The following AGBL4 variants were observed in gnomAD, a reference collection of about 807,000 sequenced individuals.
AGBL4 encodes the protein cytosolic carboxypeptidase 6.
Under a neutral mutation model 66.4 loss-of-function variants are expected in AGBL4, and 58 were observed. The observed-to-expected ratio is 0.87, with a 90% CI of 0.71 to 1.09. AGBL4 has a LOEUF of 1.09. Ranked by LOEUF, AGBL4 falls within the 50% of genes least tolerant of loss-of-function variation. The pLI is 0.00. For missense variants in AGBL4, 579 were observed against 631.0 expected (o/e 0.92, Z 0.88); for synonymous variants, 234 against 222.9 (o/e 1.05, Z -0.44).
At chr1:48,743,930 G>A (rs1328543157) in intron 6 of AGBL4, among the ~76,000 whole-genome samples, 2 of 152,186 alleles carry the variant, frequency 1.3e-5, no homozygotes, top group South Asian at 2.1e-4. Flanking sequence ...ACTGAAAGAC[G>A]AAGTCTCTGT....
intron 11 of AGBL4, among the ~76,000 whole-genome samples, chr1:48,580,956 A>C (rs1254494616): frequency 6.6e-6 from 1 of 151,986 alleles, no homozygotes; most frequent in East Asian, 1.9e-4. Context: ...TCTGAGCCCT[A>C]GTTTCTCTTC....
intron 2 of AGBL4, among the ~76,000 whole-genome samples, chr1:49,786,407 C>T (rs1644456032): frequency 6.6e-6 from 1 of 152,106 alleles, no homozygotes; most frequent in African/African-American, 2.4e-5. Context: ...CACTTTTCTA[C>T]CTTGAATTTC....
At chr1:49,710,874 T>C (rs1647611589) in intron 2 of AGBL4, among the ~76,000 whole-genome samples, 1 of 151,550 alleles carries the variant, frequency 6.6e-6, no homozygotes, top group Non-Finnish European at 1.5e-5. Flanking sequence ...CAAAGAACTC[T>C]TATGAAGCAA....
At chr1:48,937,368 C>A (rs1477345467) in intron 5 of AGBL4, among the ~76,000 whole-genome samples, 1 of 152,138 alleles carries the variant, frequency 6.6e-6, no homozygotes, top group African/African-American at 2.4e-5. Flanking sequence ...TTGTAGCCAT[C>A]ATAAAATCAG....
At chr1:48,806,620 C>A (rs951186275) in intron 6 of AGBL4, among the ~76,000 whole-genome samples, 5 of 152,208 alleles carry the variant, frequency 3.3e-5, no homozygotes, top group African/African-American at 1.2e-4. Context: ...TAAGCCTGCT[C>A]TTTCTTTGTT....
chr1:48,762,052 C>T (rs1023280395), intron 6 of AGBL4, among the ~76,000 whole-genome samples: 1 of 152,132 alleles, frequency 6.6e-6, no homozygotes, highest in African/African-American at 2.4e-5. Context: ...CAAATCTCAG[C>T]ATGACTGAGT....
intron 2 of AGBL4, among the ~76,000 whole-genome samples, chr1:49,777,488 T>C (rs1318329301): frequency 6.6e-6 from 1 of 152,184 alleles, no homozygotes; most frequent in Admixed American, 6.5e-5. Flanking sequence ...TTTGCTCAAG[T>C]CAGTATCATG....
At chr1:49,084,312 T>A (rs1007767380) in intron 4 of AGBL4, among the ~76,000 whole-genome samples, 2 of 152,212 alleles carry the variant, frequency 1.3e-5, no homozygotes, top group Non-Finnish European at 2.9e-5. Context: ...CAATTTACTG[T>A]ATTATTTCAC....
intron 3 of AGBL4, among the ~76,000 whole-genome samples, chr1:49,598,651 G>T (rs538751297): frequency 1.3e-5 from 2 of 152,242 alleles, no homozygotes; most frequent in East Asian, 1.9e-4. Flanking sequence ...CAGTTAGGCT[G>T]CTCGGGGGTC....
chr1:48,556,956 A>AT (rs1644330261), intron 11 of AGBL4, among the ~76,000 whole-genome samples: 1 of 151,950 alleles, frequency 6.6e-6, no homozygotes, highest in Non-Finnish European at 1.5e-5. Context: ...AGCCTGGCTA[A>AT]TTTTTTGTAT....
intron 5 of AGBL4, among the ~76,000 whole-genome samples, chr1:48,957,960 C>G (rs958967469): frequency 5.3e-5 from 8 of 152,176 alleles, no homozygotes; most frequent in Non-Finnish European, 1.2e-4. Flanking sequence ...TAACAGTCCA[C>G]AGTCTGACCC....
chr1:49,000,085 GCTTT>G (rs1461825364), intron 5 of AGBL4, among the ~76,000 whole-genome samples: 2 of 152,108 alleles, frequency 1.3e-5, no homozygotes, highest in African/African-American at 4.8e-5. Flanking sequence ...AATACTAAGT[GCTTT>G]CTAAATATTA....
At chr1:49,386,266 T>A (rs1644734347) in intron 3 of AGBL4, among the ~76,000 whole-genome samples, 1 of 21,514 alleles carries the variant, frequency 4.6e-5, no homozygotes, top group Non-Finnish European at 1.4e-4. Flanking sequence ...GATGGATGGA[T>A]GTGTGTGTGT....
chr1:48,606,781 C>A (rs1357474509), intron 9 of AGBL4, among the ~76,000 whole-genome samples: 1 of 152,136 alleles, frequency 6.6e-6, no homozygotes, highest in African/African-American at 2.4e-5. Context: ...CTTCCTTTCC[C>A]CATCACCTAA....
chr1:49,091,138 A>C (rs1644996200), intron 4 of AGBL4, among the ~76,000 whole-genome samples: 1 of 152,206 alleles, frequency 6.6e-6, no homozygotes, highest in African/African-American at 2.4e-5. Context: ...AAATTCTAGA[A>C]GACAACCTAG....
rs1644362871 is a variant in AGBL4, at chr1:49,782,612, G to A, written c.157+68784C>T. On this transcript the variant is annotated intron_variant, in intron 2 of 13. Coordinates refer to ENST00000371839, the MANE Select transcript of AGBL4 (RefSeq NM_032785.4). ...TTAAATGTGTTCCCCCAAAAAGCAC[G>A]TGTTGGAAACTTAATAGCCAATGCA... Among the ~76,000 whole-genome samples the A allele has an allele frequency of 2.6e-5, 4 of 152,310 alleles. No individual in the cohort carries two copies. The South Asian group carries it at 8.3e-4, about 32-fold the overall frequency.
At chr1:49,822,814 G>A (rs1645404533) in intron 2 of AGBL4, among the ~76,000 whole-genome samples, 1 of 152,126 alleles carries the variant, frequency 6.6e-6, no homozygotes, top group African/African-American at 2.4e-5. Flanking sequence ...ATGCTGTGGT[G>A]GAGACTGTTA....
chr1:49,391,637 C>G (rs1180042326), intron 3 of AGBL4, among the ~76,000 whole-genome samples: 1 of 148,310 alleles, frequency 6.7e-6, no homozygotes, highest in Non-Finnish European at 1.5e-5. Flanking sequence ...TCTCTGCTCA[C>G]TGCAAGCTCC....
chr1:48,565,088 C>T (rs1644455096), intron 11 of AGBL4, among the ~76,000 whole-genome samples: 1 of 152,232 alleles, frequency 6.6e-6, no homozygotes, highest in Admixed American at 6.5e-5. Context: ...CCAATCCCAT[C>T]ATACACCTGG....
Sources: allele counts gnomAD v4.1 joint callset (sites outside exome capture counted in the v4.1 genomes callset), GRCh38; gene constraint gnomAD v4.1.1; transcripts MANE v1.5; gene names NCBI Gene and HGNC (gene_info 2026-07-23, HGNC 2026-07-21).